Variants in NCOR2 observed in about 807,000 individuals in gnomAD.
The protein encoded by NCOR2 is CTG repeat protein 26.
NCOR2 carries 81 observed loss-of-function variants against 262.9 expected under a neutral mutation model. The observed-to-expected ratio is 0.31, with a 90% CI of 0.26 to 0.37. NCOR2 has a LOEUF of 0.37. Among genes scored for constraint, NCOR2 ranks in the 10% least tolerant of loss-of-function variants. The pLI, the probability that NCOR2 is intolerant of heterozygous loss-of-function variation, is 1.00. For synonymous variants in NCOR2, 1,659 were observed against 1,559.3 expected (o/e 1.06, Z -1.51); for missense variants, 3,385 against 3,621.4 (o/e 0.93, Z 1.68).
intron 1 of NCOR2, among the ~76,000 whole-genome samples, chr12:124,552,766 G>A (rs1162842120): frequency 1.3e-5 from 2 of 152,186 alleles, no homozygotes; most frequent in Non-Finnish European, 2.9e-5. Context: ...ACAGCTCACT[G>A]CAGCCTCCAA....
At chr12:124,426,939 G>C in intron 10 of NCOR2, 139 bp from the exon 13 acceptor site, 1 of 727,940 alleles carries the variant, frequency 1.4e-6, no homozygotes, top group Non-Finnish European at 2.1e-6. Flanking sequence ...GAAGGAGAAT[G>C]ATGAGTTTAA....
chr12:124,420,578 G>A (rs549827459), intron 12 of NCOR2, among the ~76,000 whole-genome samples: 3 of 152,270 alleles, frequency 2.0e-5, no homozygotes, highest in East Asian at 1.9e-4. Context: ...CACGCCCCAC[G>A]CGCCTCTTCC....
At chr12:124,516,681 G>A (rs1370440099) in intron 1 of NCOR2, among the ~76,000 whole-genome samples, 2 of 151,996 alleles carry the variant, frequency 1.3e-5, no homozygotes, top group Non-Finnish European at 2.9e-5. Context: ...GTGGGATTCC[G>A]GGACTTGCCC....
At chr12:124,414,574 GTCT>G (rs1319115076) in intron 13 of NCOR2, among the ~76,000 whole-genome samples, 3 of 152,310 alleles carry the variant, frequency 2.0e-5, no homozygotes, top group East Asian at 1.9e-4. Context: ...GATAACCTAA[GTCT>G]TCTTCCAAAA....
intron 12 of NCOR2, 111 bp downstream of exon 14, chr12:124,422,390 G>C: frequency 7.8e-7 from 1 of 1,283,438 alleles, no homozygotes; most frequent in Non-Finnish European, 1.1e-6. Flanking sequence ...TGGAGCAAGG[G>C]GCCAGGCAGG....
intron 1 of NCOR2, among the ~76,000 whole-genome samples, chr12:124,508,655 C>T (rs563229638): frequency 1.3e-5 from 2 of 152,270 alleles, no homozygotes; most frequent in African/African-American, 4.8e-5. Context: ...GAACAGGGTC[C>T]ACGTGGGGCA....
At chr12:124,472,712 C>T (rs1188626728) in intron 4 of NCOR2, among the ~76,000 whole-genome samples, 2 of 152,168 alleles carry the variant, frequency 1.3e-5, no homozygotes, top group African/African-American at 2.4e-5. Flanking sequence ...GTTCCTCAGT[C>T]GCAGTAGGCA....
intron 1 of NCOR2, among the ~76,000 whole-genome samples, chr12:124,552,783 A>G (rs1286649587): frequency 6.6e-6 from 1 of 152,162 alleles, no homozygotes; most frequent in African/African-American, 2.4e-5. Context: ...CCAACTCCAG[A>G]GCTCAAGTGA....
chr12:124,520,838 G>A (rs755889955), intron 1 of NCOR2, among the ~76,000 whole-genome samples: 26 of 152,170 alleles, frequency 1.7e-4, no homozygotes, highest in South Asian at 1.4e-3. Flanking sequence ...CCGACAGGCC[G>A]CTTCCTGGAG....
At chr12:124,353,744 A>T (rs1008687976) in intron 27 of NCOR2, among the ~76,000 whole-genome samples, 1 of 152,202 alleles carries the variant, frequency 6.6e-6, no homozygotes, top group Non-Finnish European at 1.5e-5. Flanking sequence ...GCCACAGCTG[A>T]CATGTCACCT....
At chr12:124,412,137 C>T (rs374197834) in intron 13 of NCOR2, among the ~76,000 whole-genome samples, 2 of 152,254 alleles carry the variant, frequency 1.3e-5, no homozygotes, top group East Asian at 3.8e-4. Context: ...TGAAGGCGGC[C>T]GCACACAGCG....
intron 7 of NCOR2, among the ~76,000 whole-genome samples, chr12:124,445,615 G>A (rs370435058): frequency 2.0e-5 from 3 of 152,076 alleles, no homozygotes; most frequent in African/African-American, 7.2e-5. Context: ...GGCCGTGAGC[G>A]CCAGGGAGGC....
intron 7 of NCOR2, among the ~76,000 whole-genome samples, chr12:124,447,501 T>C (rs1403759405): frequency 6.6e-6 from 1 of 152,160 alleles, no homozygotes; most frequent in Non-Finnish European, 1.5e-5. Flanking sequence ...TCAACCACAG[T>C]ATTCAGCTTA....
chr12:124,343,020 T>A (rs1463013599), exon 33 of NCOR2: 1 of 1,610,914 alleles, frequency 6.2e-7, no homozygotes, highest in Non-Finnish European at 8.5e-7. Flanking sequence ...TCCAGAGGGA[T>A]GCCGCGGGGT....
At chr12:124,556,269 G>A (rs1215676191) in intron 1 of NCOR2, 1 of 152,382 alleles carries the variant, frequency 6.6e-6, no homozygotes, top group East Asian at 1.9e-4. Flanking sequence ...GGAGGGTACA[G>A]GTGTCAGTCA....
exon 40 of NCOR2, chr12:124,335,258 C>T: frequency 6.2e-7 from 1 of 1,605,114 alleles, no homozygotes; most frequent in South Asian, 1.1e-5. Flanking sequence ...GGTGGGCGGC[C>T]TCCCCGCCAA....
chr12:124,334,768 T>C (rs1040407331), intron 40 of NCOR2, 151 bp from the exon 43 acceptor site: 64 of 574,356 alleles, frequency 1.1e-4, no homozygotes, highest in African/African-American at 1.1e-3. Flanking sequence ...CCTCTGGGCC[T>C]CCGTGTCCCA....
At chr12:124,429,207 T>C (rs1009523055) in intron 10 of NCOR2, among the ~76,000 whole-genome samples, 9 of 152,220 alleles carry the variant, frequency 5.9e-5, no homozygotes, top group African/African-American at 2.2e-4. Flanking sequence ...CTCTGGGCCC[T>C]GGAAGGCTGA....
chr12:124,508,920 G>C (rs1460621324), intron 1 of NCOR2, among the ~76,000 whole-genome samples: 1 of 152,128 alleles, frequency 6.6e-6, no homozygotes, highest in Non-Finnish European at 1.5e-5. Flanking sequence ...GCCAGCAACG[G>C]CTTGGAGGGG....
Sources: gnomAD v4.1 joint callset for allele counts (sites outside exome capture counted in the v4.1 genomes callset) on GRCh38, gnomAD v4.1.1 for gene constraint, MANE v1.5 for transcripts, NCBI Gene and HGNC (gene_info 2026-07-23, HGNC 2026-07-21) for gene names.